Variants in GNAZ observed in about 807,000 individuals in gnomAD.
GNAZ encodes G protein subunit alpha z, also known as guanine nucleotide-binding protein G(z) subunit alpha.
A neutral mutation model predicts 25.4 loss-of-function variants in GNAZ; 3 were observed. The ratio of observed to expected loss-of-function variants is 0.12; its 90% confidence interval spans 0.05 to 0.30. GNAZ has a LOEUF of 0.30. Ranked by LOEUF, GNAZ falls within the 10% of genes least tolerant of loss-of-function variation. The probability of loss-of-function intolerance (pLI) is 1.00; values close to 1 mark genes in which losing one functional copy is unlikely to be tolerated. For missense variants in GNAZ, 241 were observed against 501.8 expected (o/e 0.48, Z 4.97); for synonymous variants, 211 against 205.7 (o/e 1.03, Z -0.22).
At chr22:23,075,215 C>T (rs2068479583) in intron 1 of GNAZ, among the ~76,000 whole-genome samples, 1 of 152,166 alleles carries the variant, frequency 6.6e-6, no homozygotes, top group African/African-American at 2.4e-5. Flanking sequence ...TCCTCCCTTC[C>T]CTGAGTGGGC....
At chr22:23,099,930 A>G (rs2069246145) in intron 2 of GNAZ, among the ~76,000 whole-genome samples, 1 of 152,256 alleles carries the variant, frequency 6.6e-6, no homozygotes, top group African/African-American at 2.4e-5. Flanking sequence ...GGATCAGCTA[A>G]TGGACTCTGC....
At chr22:23,096,527 C>T (rs973145846) in intron 2 of GNAZ, 109 bp downstream of exon 2, 38 of 1,188,424 alleles carry the variant, frequency 3.2e-5, no homozygotes, top group South Asian at 7.3e-5. Flanking sequence ...GGGAACCAGG[C>T]GCAGGCCTGG....
intron 2 of GNAZ, among the ~76,000 whole-genome samples, chr22:23,110,173 G>A (rs2069605876): frequency 1.3e-5 from 2 of 152,294 alleles, no homozygotes; most frequent in Non-Finnish European, 2.9e-5. Context: ...CTTTCCTTGG[G>A]GCAAGGGTAG....
In GNAZ at chr22:23,079,986, C is replaced by G. The variant is rs897889414; in HGVS notation, c.-450+9416C>G. Among the ~76,000 whole-genome samples the G allele has an allele frequency of 2.0e-5, 3 of 152,090 alleles. 1 individual carries two copies. In the South Asian group the frequency reaches 6.2e-4, roughly 32 times the overall value. The stretch of plus-strand genomic sequence containing the variant: ...AAGACCCAGAAGGTGAAATCAGATT[C>G]CCCACTCAAGTGAGGGTTTGATGGA... On this transcript the variant is annotated intron_variant, in intron 1 of 2. Transcript: ENST00000615612.
intron 2 of GNAZ, among the ~76,000 whole-genome samples, chr22:23,098,281 T>C (rs1334548167): frequency 6.6e-6 from 1 of 152,214 alleles, no homozygotes; most frequent in African/African-American, 2.4e-5. Context: ...GCCCTTATCC[T>C]CCAGGTCTCA....
chr22:23,121,439 C>T (rs141634691), intron 2 of GNAZ, among the ~76,000 whole-genome samples: 3 of 152,336 alleles, frequency 2.0e-5, no homozygotes, highest in Non-Finnish European at 4.4e-5. Flanking sequence ...CTCAGGCAGC[C>T]TCCTTTGGGC....
At chr22:23,111,078 G>C (rs549212747) in intron 2 of GNAZ, among the ~76,000 whole-genome samples, 1 of 152,196 alleles carries the variant, frequency 6.6e-6, no homozygotes, top group African/African-American at 2.4e-5. Context: ...TTGCTGGGGG[G>C]CCTGCGCGCC....
At chr22:23,113,018 GA>G (rs781160860) in intron 2 of GNAZ, among the ~76,000 whole-genome samples, 4 of 152,148 alleles carry the variant, frequency 2.6e-5, no homozygotes, top group South Asian at 4.1e-4. Flanking sequence ...AGAAGAAGGG[GA>G]CCTGCTCTGA....
intron 1 of GNAZ, among the ~76,000 whole-genome samples, chr22:23,079,101 A>G (rs980579487): frequency 5.9e-5 from 9 of 152,240 alleles, no homozygotes; most frequent in East Asian, 1.9e-4. Context: ...GGATACATCA[A>G]TGAACAAACA....
At chr22:23,070,896 GC>G in intron 1 of GNAZ, 1 of 152,378 alleles carries the variant, frequency 6.6e-6, no homozygotes, top group Non-Finnish European at 1.5e-5. Context: ...GCCGCCGGGC[GC>G]CCCCAAGCAG....
intron 2 of GNAZ, among the ~76,000 whole-genome samples, chr22:23,097,556 G>A (rs577816452): frequency 3.3e-5 from 5 of 152,370 alleles, no homozygotes; most frequent in Non-Finnish European, 7.3e-5. Context: ...GTGTGCCTGG[G>A]GGAAACGAAT....
At chr22:23,087,160 G>A (rs1263568304) in intron 1 of GNAZ, among the ~76,000 whole-genome samples, 1 of 152,190 alleles carries the variant, frequency 6.6e-6, no homozygotes, top group Non-Finnish European at 1.5e-5. Flanking sequence ...GTTGGGGGCA[G>A]CACCCACTCT....
intron 2 of GNAZ, among the ~76,000 whole-genome samples, chr22:23,118,654 T>C (rs1194466539): frequency 6.6e-6 from 1 of 152,184 alleles, no homozygotes; most frequent in Non-Finnish European, 1.5e-5. Context: ...CCCCTTGCCA[T>C]GGGGTCATGG....
intron 2 of GNAZ, among the ~76,000 whole-genome samples, chr22:23,116,163 G>A (rs533953468): frequency 3.3e-5 from 5 of 152,358 alleles, no homozygotes; most frequent in Admixed American, 2.0e-4. Flanking sequence ...CATGACCTCC[G>A]TCTCCTCACT....
At chr22:23,104,327 G>A (rs948537328) in intron 2 of GNAZ, among the ~76,000 whole-genome samples, 7 of 152,184 alleles carry the variant, frequency 4.6e-5, no homozygotes, top group African/African-American at 1.7e-4. Context: ...CGGAGCCAGG[G>A]TTCAGCCCCA....
intron 1 of GNAZ, among the ~76,000 whole-genome samples, chr22:23,078,900 C>T (rs2068588328): frequency 6.6e-6 from 1 of 152,182 alleles, no homozygotes; most frequent in African/African-American, 2.4e-5. Flanking sequence ...TCGGCCAAGT[C>T]CAGGTGGGCG....
chr22:23,104,601 A>G (rs1419980280), intron 2 of GNAZ, among the ~76,000 whole-genome samples: 1 of 152,252 alleles, frequency 6.6e-6, no homozygotes, highest in Non-Finnish European at 1.5e-5. Flanking sequence ...AGGGATTTGT[A>G]TAATCCAGTA....
At position 23,095,734 on chromosome 22, in the gene GNAZ, C is replaced by T; in HGVS notation, c.39C>T (p.Ala13=). ...AAAGCTCAGAGGAAAAAGAAGCAGC[C>T]CGGCGGTCCCGGAGAATTGACCGCC... The part of the protein sequence containing the change: ...CRQSSEEKEA[A]RRSRRIDRHL... Residue 13 remains alanine (A), a synonymous_variant, in exon 2 of 3, where the codon GCC becomes GCT. Transcript: ENST00000615612. The T allele has an allele frequency of 6.2e-7, 1 of 1,611,832 alleles. No individual in the cohort carries two copies. The highest frequency in any genetic ancestry group is 8.5e-7 in the Non-Finnish European group (1 of 1,179,444).
intron 2 of GNAZ, among the ~76,000 whole-genome samples, chr22:23,104,061 G>A (rs975652803): frequency 5.9e-5 from 9 of 152,120 alleles, no homozygotes; most frequent in Non-Finnish European, 7.4e-5. Context: ...GGATGAACGT[G>A]GGGGTGGTGA....
Sources: allele counts gnomAD v4.1 joint callset (sites outside exome capture counted in the v4.1 genomes callset), GRCh38; gene constraint gnomAD v4.1.1; transcripts MANE v1.5; gene names NCBI Gene and HGNC (gene_info 2026-07-23, HGNC 2026-07-21).